Variants in ZNF587 observed in about 807,000 individuals in gnomAD.
ZNF587 encodes the protein zinc finger protein 587, also known as zinc finger protein zfp6.
In ZNF587, 8 loss-of-function variants were observed where a neutral mutation model predicts 7.5. That is an observed-to-expected ratio of 1.06 (90% CI 0.62 to 1.92). The LOEUF is 1.92. Among genes scored for constraint, ZNF587 ranks in the 40% most tolerant of loss-of-function variants. The pLI is 0.00. For missense variants in ZNF587, 468 were observed against 692.8 expected (o/e 0.68, Z 3.64); for synonymous variants, 145 against 237.8 (o/e 0.61, Z 3.59).
chr19:57,863,151 C>T lies in ZNF587; in HGVS notation c.*3011C>T, dbSNP rs897934056. The T allele has an allele frequency of 6.6e-6, 1 of 152,304 alleles. No individual in the cohort carries two copies. The allele number at this position is 152,304 out of a possible 1,614,324, so 9.4% of individuals were successfully genotyped here. A position where few individuals can be genotyped will look rare whatever the true frequency, so the allele number is the denominator to read the frequency against. On this transcript the variant is annotated 3_prime_UTR_variant, in exon 3 of 3. Coordinates refer to ENST00000339656, the MANE Select transcript of ZNF587 (RefSeq NM_032828.4). ...TTGTTTCTTGAGACAGAGTCTTGCTCTCTTGCCCAGGTTGGAGTGCCGTGT... is the reference window on the plus strand; with the variant it reads ...TTGTTTCTTGAGACAGAGTCTTGCTTTCTTGCCCAGGTTGGAGTGCCGTGT...
rs556337792 is a variant in ZNF587, at chr19:57,849,930, G to C, written c.-109G>C. 20 of 1,602,420 alleles carry C rather than the reference G, an allele frequency of 1.2e-5. No homozygotes were observed. The African/African-American group carries it at 2.4e-4, about 19-fold the overall frequency. ...CCCCTGAGTGCTGGGTGGGACCGCG[G>C]TGACTGAACCTAGAAGGTGGAGAGG... On this transcript the variant is annotated 5_prime_UTR_variant, in exon 1 of 3. Transcript: ENST00000339656.
intron 1 of ZNF587, chr19:57,852,105 G>A (rs10425579): frequency 2.7e-6 from 1 of 369,890 alleles, no homozygotes; most frequent in Non-Finnish European, 4.8e-6. Context: ...CCATCTACAG[G>A]TTCTCTAGCT....
chr19:57,859,232 G>A lies in ZNF587; in HGVS notation c.820G>A (p.Gly274Arg), dbSNP rs138903238. ...AKGPYDCGEC[G>R]KSYSRKSSLI... is the part of the protein sequence containing the mutation. ...AGGACCTTATGATTGTGGAGAGTGT[G>A]GGAAATCTTATAGTCGAAAGAGCAG... The change falls in exon 3 of 3, where the codon GGG becomes AGG. Residue 274 changes from glycine to arginine, a missense_variant. Transcript: ENST00000339656. 6.4e-5 allele frequency: 103 copies of A among 1,606,504 alleles called. No homozygotes were observed. The highest frequency in any genetic ancestry group is 8.2e-5 in the Non-Finnish European group (97 of 1,177,562).
chr19:57,858,498 T>G, intron 2 of ZNF587, 78 bp from the exon 3 acceptor site: 3 of 1,528,672 alleles, frequency 2.0e-6, no homozygotes, highest in Middle Eastern at 1.8e-4. Context: ...TTCCTCAATT[T>G]GTGAGACGTA....
Position 57,863,354 on chromosome 19 carries a change from G to C in ZNF587, c.*3214G>C, listed in dbSNP as rs1031990694. 9 of 152,306 alleles carry C rather than the reference G, an allele frequency of 5.9e-5. No homozygotes were observed. The highest frequency in any genetic ancestry group is 2.2e-4 in the African/African-American group (9 of 41,448). 9.4% of individuals were successfully genotyped at this position (152,306 alleles called of 1,614,324 possible). A position where few individuals can be genotyped will look rare whatever the true frequency, so the allele number is the denominator to read the frequency against. On this transcript the variant is annotated 3_prime_UTR_variant, in exon 3 of 3. Transcript: ENST00000339656. Reference sequence around the variant, plus strand: ...GCTGGTCTCAAACTCCTGACCTCGTGATCCACCCACCTCGGCCTCCCAAAG... The same window carrying C: ...GCTGGTCTCAAACTCCTGACCTCGTCATCCACCCACCTCGGCCTCCCAAAG...
intron 1 of ZNF587, chr19:57,855,891 C>A (rs71354061): frequency 0.049 from 38,821 of 795,152 alleles, 1,184 homozygotes; most frequent in Non-Finnish European, 0.059. Context: ...TATGTCAGGA[C>A]CTCAGCATGG....
At position 57,852,370 on chromosome 19, in the gene ZNF587, C is replaced by T. The variant is rs364969; in HGVS notation, c.33+2299C>T. ...CTACCTGGCTACAGGCTTCATCTGG[C>T]TGGACCTTGTTGCATAGACTGTGGG... On this transcript the variant is annotated intron_variant, in intron 1 of 2. Coordinates refer to ENST00000339656, the MANE Select transcript of ZNF587 (RefSeq NM_032828.4). 1.8e-3 allele frequency: 719 copies of T among 398,628 alleles called. 5 individuals carry two copies. In the Middle Eastern group the frequency reaches 0.024, roughly 13 times the overall value. The allele number at this position is 398,628 out of a possible 1,614,324, so 24.7% of individuals were successfully genotyped here. A position where few individuals can be genotyped will look rare whatever the true frequency, so the allele number is the denominator to read the frequency against.
rs2071491856 is a variant in ZNF587 at position 57,865,088 on chromosome 19, AAATAT to A, written c.*4950_*4954del. ...TAATCTTCCTGCTTGTATGTGAATTAAATATATGTCAAACTTTTTTTGTACAAAAG... is the reference window on the plus strand; with the variant it reads ...TAATCTTCCTGCTTGTATGTGAATTAATGTCAAACTTTTTTTGTACAAAAG... On this transcript the variant is annotated 3_prime_UTR_variant, in exon 3 of 3. Transcript: ENST00000339656. 6.6e-6 allele frequency: 1 copy of A among 152,342 alleles called. No individual in the cohort carries two copies. Among genetic ancestry groups the A allele is most frequent in the East Asian group, 1.9e-4 (1 of 5,194 alleles). 9.4% of individuals were successfully genotyped at this position (152,342 alleles called of 1,614,324 possible).
intron 2 of ZNF587, among the ~76,000 whole-genome samples, chr19:57,857,519 A>G (rs2071374307): frequency 6.6e-6 from 1 of 151,888 alleles, no homozygotes; most frequent in South Asian, 2.1e-4. Flanking sequence ...CCCATGGTTA[A>G]ACCATCTATG....
At chr19:57,856,382 GGT>G in intron 2 of ZNF587, 149 bp downstream of exon 2, 3 of 1,333,260 alleles carry the variant, frequency 2.3e-6, no homozygotes, top group African/African-American at 3.0e-5. Flanking sequence ...GTAGGAGTAA[GGT>G]GTGTGTATTG....
Position 57,860,835 on chromosome 19 carries a change from GT to G in ZNF587, c.*696del, listed in dbSNP as rs2071424325. 1 of 152,308 alleles carries G rather than the reference GT, an allele frequency of 6.6e-6. No individual in the cohort carries two copies. The highest frequency in any genetic ancestry group is 6.5e-5 in the Admixed American group (1 of 15,278). 9.4% of individuals were successfully genotyped at this position (152,308 alleles called of 1,614,324 possible). The stretch of plus-strand genomic sequence containing the variant: ...CACTATGGTAATATGGTGGTGTGCA[GT>G]GCCTGAGTCACGTGATAGATTAAAG... On this transcript the variant is annotated 3_prime_UTR_variant, in exon 3 of 3. Coordinates refer to ENST00000339656, the MANE Select transcript of ZNF587 (RefSeq NM_032828.4).
intron 1 of ZNF587, chr19:57,850,398 AG>A (rs1290338211): frequency 1.7e-6 from 1 of 575,982 alleles, no homozygotes; most frequent in Non-Finnish European, 3.1e-6. Flanking sequence ...TTTGGCGGGT[AG>A]GGGCTTGGGA....
rs1480699566 is a variant in ZNF587 at position 57,864,068 on chromosome 19, A to T, written c.*3928A>T. On this transcript the variant is annotated 3_prime_UTR_variant, in exon 3 of 3. Transcript: ENST00000339656. ...AAAAAAAAAAAAAAACTCAATCCAT[A>T]AATGTTATACTTTATAACTTTATAA... 3 of 151,400 alleles carry T rather than the reference A, an allele frequency of 2.0e-5. No homozygotes were observed. The highest frequency in any genetic ancestry group is 4.4e-5 in the Non-Finnish European group (3 of 67,876). 9.4% of individuals were successfully genotyped at this position (151,400 alleles called of 1,614,324 possible). A position where few individuals can be genotyped will look rare whatever the true frequency, so the allele number is the denominator to read the frequency against.
At chr19:57,855,672 C>T (rs1336909774) in intron 1 of ZNF587, among the ~76,000 whole-genome samples, 1 of 151,610 alleles carries the variant, frequency 6.6e-6, no homozygotes, top group African/African-American at 2.4e-5. Context: ...CGCCATTCTC[C>T]GGCCTCAGCC....
intron 1 of ZNF587, among the ~76,000 whole-genome samples, chr19:57,855,183 C>CAA (rs113798264): frequency 7.2e-6 from 1 of 139,306 alleles, no homozygotes; most frequent in African/African-American, 2.6e-5. Flanking sequence ...GACTCCGTCT[C>CAA]AAAAAAAAAA....
At chr19:57,852,475 A>C (rs2071292753) in intron 1 of ZNF587, 1 of 398,380 alleles carries the variant, frequency 2.5e-6, no homozygotes, top group Admixed American at 4.4e-5. Flanking sequence ...ATAAGTGGTA[A>C]ATCACATGGG....
rs776536002 is a variant in ZNF587 at position 57,860,548 on chromosome 19, A to T, written c.*408A>T. 3.9e-6 allele frequency: 1 copy of T among 253,632 alleles called. No individual in the cohort carries two copies. The highest frequency in any genetic ancestry group is 7.7e-6 in the Non-Finnish European group (1 of 129,984). The allele number at this position is 253,632 out of a possible 1,614,324, so 15.7% of individuals were successfully genotyped here. ...CTCCCAAAGTGCTGAAATTACAGGC[A>T]TGAGCCTCTGCACCTGGCCTTCATT... On this transcript the variant is annotated 3_prime_UTR_variant, in exon 3 of 3. Coordinates refer to ENST00000339656, the MANE Select transcript of ZNF587 (RefSeq NM_032828.4).
rs1034788764 is a variant in ZNF587 at position 57,862,295 on chromosome 19, C to G, written c.*2155C>G. 1 of 152,186 alleles carries G rather than the reference C, an allele frequency of 6.6e-6. No individual in the cohort carries two copies. Among genetic ancestry groups the G allele is most frequent in the Non-Finnish European group, 1.5e-5 (1 of 68,024 alleles). The allele number at this position is 152,186 out of a possible 1,614,324, so 9.4% of individuals were successfully genotyped here. The stretch of plus-strand genomic sequence containing the variant: ...TTCTCACATATGGAAAGGATACACA[C>G]TTTGTAGAAACAAGAACTTTATGTT... On this transcript the variant is annotated 3_prime_UTR_variant, in exon 3 of 3. Transcript: ENST00000339656.
chr19:57,859,743 T>G lies in ZNF587; in HGVS notation c.1331T>G (p.Leu444Ter). The change falls in exon 3 of 3, where the codon TTA becomes TGA. Residue 444 changes from leucine (L) to a stop codon, truncating the protein, a stop_gained. Transcript: ENST00000339656. LOFTEE classifies it low-confidence loss of function (END_TRUNC). Reference protein sequence around the residue: ...RPYNCRECGKLFNRKYHLLVH... With the variant: ...RPYNCRECGK ...TACAATTGTAGGGAATGTGGGAAAT[T>G]ATTTAACAGGAAGTATCATCTTCTG... The G allele has an allele frequency of 6.2e-7, 1 of 1,613,248 alleles. No individual in the cohort carries two copies. The highest frequency in any genetic ancestry group is 8.5e-7 in the Non-Finnish European group (1 of 1,179,870).
Sources: gnomAD v4.1 joint callset for allele counts (sites outside exome capture counted in the v4.1 genomes callset) on GRCh38, gnomAD v4.1.1 for gene constraint, MANE v1.5 for transcripts, NCBI Gene and HGNC (gene_info 2026-07-23, HGNC 2026-07-21) for gene names.